NEGR1: variants seen among roughly 807,000 people sequenced by gnomAD.
NEGR1 encodes the protein IgLON family member 4.
A neutral mutation model predicts 40.9 loss-of-function variants in NEGR1; 10 were observed. The observed-to-expected ratio is 0.24, with a 90% CI of 0.15 to 0.42. The LOEUF (loss-of-function observed/expected upper bound fraction) is 0.42, where lower values mean the gene tolerates loss of function less well. NEGR1 is among the 10% of genes least tolerant of loss of function. The pLI is 1.00. For synonymous variants in NEGR1, 185 were observed against 166.8 expected (o/e 1.11, Z -0.84); for missense variants, 352 against 438.9 (o/e 0.80, Z 1.77).
At chr1:72,120,731 A>G (rs1176224645) in intron 1 of NEGR1, among the ~76,000 whole-genome samples, 3 of 151,946 alleles carry the variant, frequency 2.0e-5, no homozygotes, top group African/African-American at 7.2e-5. Flanking sequence ...TCATTGTTCA[A>G]TTCCCACCTA....
intron 1 of NEGR1, among the ~76,000 whole-genome samples, chr1:71,938,274 T>C (rs1488544420): frequency 6.6e-6 from 1 of 152,092 alleles, no homozygotes; most frequent in African/African-American, 2.4e-5. Context: ...CAAGTCTACG[T>C]AGACTTGGCT....
intron 6 of NEGR1, chr1:71,468,421 C>T (rs1646760516): frequency 6.6e-6 from 1 of 151,804 alleles, no homozygotes; most frequent in Non-Finnish European, 1.5e-5. Flanking sequence ...GAAAAGAATC[C>T]CAAGTCATTA....
intron 1 of NEGR1, among the ~76,000 whole-genome samples, chr1:72,143,914 A>AATATATATATATAT (rs61582804): frequency 4.6e-5 from 6 of 130,614 alleles, no homozygotes; most frequent in African/African-American, 1.8e-4. Context: ...TGATATATAT[A>AATATATATATATAT]ATATATATAT....
chr1:72,094,610 C>G (rs2100229363), intron 1 of NEGR1, among the ~76,000 whole-genome samples: 1 of 152,276 alleles, frequency 6.6e-6, no homozygotes, highest in South Asian at 2.1e-4. Context: ...TCATCCCAAT[C>G]AAGTCCCTTC....
chr1:71,680,766 T>A (rs1250650059), intron 4 of NEGR1, among the ~76,000 whole-genome samples: 1 of 152,232 alleles, frequency 6.6e-6, no homozygotes, highest in Non-Finnish European at 1.5e-5. Context: ...TTAGACATTT[T>A]AAAATATATA....
intron 4 of NEGR1, among the ~76,000 whole-genome samples, chr1:71,693,222 A>G (rs1015465371): frequency 3.3e-5 from 5 of 151,340 alleles, no homozygotes; most frequent in African/African-American, 7.3e-5. Flanking sequence ...ATATTTGGGG[A>G]GAAAAAAACA....
intron 6 of NEGR1, among the ~76,000 whole-genome samples, chr1:71,550,689 A>G (rs139136391): frequency 6.6e-6 from 1 of 151,666 alleles, no homozygotes; most frequent in Non-Finnish European, 1.5e-5. Context: ...CCCTCCTAAC[A>G]TCCACATTCT....
At chr1:71,784,730 G>A (rs958732798) in intron 2 of NEGR1, among the ~76,000 whole-genome samples, 1 of 152,112 alleles carries the variant, frequency 6.6e-6, no homozygotes, top group African/African-American at 2.4e-5. Flanking sequence ...TTATGCAAAG[G>A]CATAACAATT....
chr1:71,525,795 T>C (rs921530449), intron 6 of NEGR1, among the ~76,000 whole-genome samples: 3 of 151,718 alleles, frequency 2.0e-5, no homozygotes, highest in African/African-American at 7.2e-5. Flanking sequence ...GTCTGTTTTA[T>C]GTATATAAAA....
At chr1:71,836,191 A>T (rs1325736794) in intron 2 of NEGR1, among the ~76,000 whole-genome samples, 2 of 151,994 alleles carry the variant, frequency 1.3e-5, no homozygotes, top group African/African-American at 4.8e-5. Flanking sequence ...AGAAAATGTT[A>T]GGCACATGAG....
rs150768343 is a variant in NEGR1, at chr1:71,803,933, A to G, written c.410-27636T>C. 2.7e-3 allele frequency among the ~76,000 whole-genome samples: 404 copies of G among 152,242 alleles called. 2 individuals carry two copies. Among genetic ancestry groups the G allele is most frequent in the African/African-American group, 9.0e-3 (372 of 41,552 alleles). ...GCATTTGTTAAATTAATGGAAATGT[A>G]TTTATATTTTCTTCTCTGCTAGTCA... On this transcript the variant is annotated intron_variant, in intron 2 of 6. Transcript: ENST00000357731.
chr1:71,606,932 TG>T (rs1650092998), intron 5 of NEGR1, among the ~76,000 whole-genome samples: 1 of 152,176 alleles, frequency 6.6e-6, no homozygotes, highest in Non-Finnish European at 1.5e-5. Context: ...GCCTGTTTTT[TG>T]TTTGTGTTTA....
At position 71,883,871 on chromosome 1, in the gene NEGR1, A is replaced by G. The variant is rs1158730144; in HGVS notation, c.409+51208T>C. 4.6e-5 allele frequency among the ~76,000 whole-genome samples: 7 copies of G among 151,944 alleles called. No individual in the cohort carries two copies. In the East Asian group the frequency reaches 1.4e-3, roughly 29 times the overall value. ...AGCTATTTTCTTAAAGTTAATATTG[A>G]CTCAGCTTGAAAACCATTCAAAACA... On this transcript the variant is annotated intron_variant, in intron 2 of 6. Transcript: ENST00000357731.
chr1:72,253,549 G>A (rs1220612968), intron 1 of NEGR1, among the ~76,000 whole-genome samples: 4 of 152,150 alleles, frequency 2.6e-5, no homozygotes, highest in South Asian at 2.1e-4. Flanking sequence ...GAAAAAGAGA[G>A]TATGAAGAAA....
chr1:72,024,423 T>G (rs1172046822), intron 1 of NEGR1, among the ~76,000 whole-genome samples: 1 of 152,022 alleles, frequency 6.6e-6, no homozygotes, highest in African/African-American at 2.4e-5. Flanking sequence ...TAAAGAAAAT[T>G]CTTCATATTA....
chr1:71,944,237 T>C (rs1937183), intron 1 of NEGR1, among the ~76,000 whole-genome samples: 32,580 of 152,094 alleles, frequency 0.21, 4,114 homozygotes, highest in East Asian at 0.54. Flanking sequence ...GACTTTCACC[T>C]CAGGAGATAC....
At chr1:72,016,009 TTTAAG>T (rs1391049733) in intron 1 of NEGR1, among the ~76,000 whole-genome samples, 1 of 152,178 alleles carries the variant, frequency 6.6e-6, no homozygotes, top group African/African-American at 2.4e-5. Context: ...TGACTTCTAT[TTTAAG>T]TTAATTTTTT....
At chr1:71,964,415 T>A (rs760513343) in intron 1 of NEGR1, among the ~76,000 whole-genome samples, 3 of 152,118 alleles carry the variant, frequency 2.0e-5, no homozygotes, top group Non-Finnish European at 4.4e-5. Flanking sequence ...GTTTTTGGAA[T>A]CCAGTCAGTC....
chr1:72,235,160 T>G (rs1235141550), intron 1 of NEGR1, among the ~76,000 whole-genome samples: 4 of 152,020 alleles, frequency 2.6e-5, no homozygotes, highest in Non-Finnish European at 5.9e-5. Flanking sequence ...GGAAAATAAA[T>G]AGTGGGAGAA....
Sources: gnomAD v4.1 joint callset for allele counts (sites outside exome capture counted in the v4.1 genomes callset) on GRCh38, gnomAD v4.1.1 for gene constraint, MANE v1.5 for transcripts, NCBI Gene and HGNC (gene_info 2026-07-23, HGNC 2026-07-21) for gene names.